CFAP61: variants seen among roughly 807,000 people sequenced by gnomAD.
CFAP61 encodes the protein cilia- and flagella-associated protein 61.
In CFAP61, 107 loss-of-function variants were observed where a neutral mutation model predicts 135.6. The ratio of observed to expected loss-of-function variants is 0.79; its 90% CI spans 0.67 to 0.93. The LOEUF (loss-of-function observed/expected upper bound fraction) is 0.93. Among genes scored for constraint, CFAP61 ranks in the 40% least tolerant of loss-of-function variants. CFAP61 has a pLI of 0.00. For synonymous variants in CFAP61, 575 were observed against 578.5 expected (o/e 0.99, Z 0.09); for missense variants, 1,507 against 1,556.2 (o/e 0.97, Z 0.53).
chr20:20,147,390 A>T (rs1267439568), intron 9 of CFAP61, among the ~76,000 whole-genome samples: 1 of 152,226 alleles, frequency 6.6e-6, no homozygotes, highest in Non-Finnish European at 1.5e-5. Context: ...CCTTTTCACC[A>T]CATCCACACC....
At chr20:20,121,430 A>T (rs569314512) in intron 8 of CFAP61, among the ~76,000 whole-genome samples, 1 of 151,764 alleles carries the variant, frequency 6.6e-6, no homozygotes, top group Non-Finnish European at 1.5e-5. Context: ...TTAATTAGAG[A>T]ATTGACTTCA....
At chr20:20,344,724 A>T (rs971794606) in intron 26 of CFAP61, among the ~76,000 whole-genome samples, 1 of 152,246 alleles carries the variant, frequency 6.6e-6, no homozygotes, top group African/African-American at 2.4e-5. Context: ...TAAAGCTGCC[A>T]TATGACCCAC....
At chr20:20,213,630 T>C (rs1439355834) in intron 17 of CFAP61, among the ~76,000 whole-genome samples, 1 of 152,120 alleles carries the variant, frequency 6.6e-6, no homozygotes, top group Non-Finnish European at 1.5e-5. Context: ...TATTATTAAA[T>C]AATTCTTTTT....
At position 20,074,312 on chromosome 20, in the gene CFAP61, C is replaced by G; in HGVS notation, c.305C>G (p.Thr102Arg). 6.2e-7 allele frequency: 1 copy of G among 1,614,076 alleles called. No individual in the cohort carries two copies. The highest frequency in any genetic ancestry group is 1.3e-5 in the African/African-American group (1 of 75,034). The part of the protein sequence containing the change: ...DSDIPCTPLN[T>R]LFMHLFVAVD... ...TCTCTTCTTCTGCAGCCCCTGAATA[C>G]GTTGTTCATGCACCTCTTTGTGGCC... The change falls in exon 4 of 27, where the codon ACG becomes AGG. Residue 102 changes from threonine (T) to arginine (R), a missense_variant. Physicochemically the swap from Thr to Arg is moderately conservative, Grantham distance 71 (BLOSUM62 -1). Coordinates refer to ENST00000245957, the MANE Select transcript of CFAP61 (RefSeq NM_015585.4).
At chr20:20,121,645 C>A (rs865844106) in intron 8 of CFAP61, among the ~76,000 whole-genome samples, 1 of 152,118 alleles carries the variant, frequency 6.6e-6, no homozygotes, top group African/African-American at 2.4e-5. Context: ...CAGGCACATG[C>A]CCCTGTGCCC....
At chr20:20,339,964 A>G (rs958427200) in intron 25 of CFAP61, among the ~76,000 whole-genome samples, 13 of 152,250 alleles carry the variant, frequency 8.5e-5, no homozygotes, top group African/African-American at 3.1e-4. Context: ...GAAGCCCACA[A>G]GATCCGAGAC....
intron 19 of CFAP61, among the ~76,000 whole-genome samples, chr20:20,250,144 G>C (rs1294775955): frequency 6.6e-6 from 1 of 152,194 alleles, no homozygotes; most frequent in Non-Finnish European, 1.5e-5. Context: ...GGTAAGACCA[G>C]GCTTATGCGC....
At chr20:20,251,849 T>C in intron 20 of CFAP61, 86 bp downstream of exon 20, 1 of 1,375,392 alleles carries the variant, frequency 7.3e-7, no homozygotes, top group East Asian at 2.3e-5. Flanking sequence ...ACACACACTC[T>C]GGGTAAAGAG....
chr20:20,330,648 A>G (rs955829389), intron 25 of CFAP61, among the ~76,000 whole-genome samples: 5 of 152,170 alleles, frequency 3.3e-5, no homozygotes, highest in Non-Finnish European at 2.9e-5. Context: ...CAGACCAGCC[A>G]CATTTTAAGT....
chr20:20,210,878 A>T (rs543044086), intron 17 of CFAP61, among the ~76,000 whole-genome samples: 10 of 152,310 alleles, frequency 6.6e-5, no homozygotes, highest in Admixed American at 6.5e-4. Flanking sequence ...GTCATCCCAC[A>T]CTTTGGGAGG....
At chr20:20,187,574 G>T (rs1601277116) in intron 13 of CFAP61, among the ~76,000 whole-genome samples, 1 of 152,180 alleles carries the variant, frequency 6.6e-6, no homozygotes, top group Non-Finnish European at 1.5e-5. Flanking sequence ...CATGAAGCCA[G>T]CCCTGGTGCA....
chr20:20,282,470 G>C (rs1423481608), intron 22 of CFAP61, among the ~76,000 whole-genome samples: 1 of 152,088 alleles, frequency 6.6e-6, no homozygotes, highest in Admixed American at 6.5e-5. Flanking sequence ...AAACTCATAT[G>C]TTAACTTTTA....
rs140954705 is a variant in CFAP61, at chr20:20,220,273, G to C, written c.1933-7976G>C. On this transcript the variant is annotated intron_variant, in intron 17 of 26. Transcript: ENST00000245957. ...GGGTGGTAAACACTGGAGGTGCTGG[G>C]AGGGTGGCATGTCTGGAAAGCACAT... The C allele has an allele frequency of 8.4e-4, 128 of 152,418 alleles. 1 individual carries two copies. The highest frequency in any genetic ancestry group is 2.9e-3 in the African/African-American group (121 of 41,572). The allele number at this position is 152,418 out of a possible 1,614,324, so 9.4% of individuals were successfully genotyped here. A position where few individuals can be genotyped will look rare whatever the true frequency, so the allele number is the denominator to read the frequency against.
chr20:20,144,367 A>T (rs1351417485), intron 9 of CFAP61, among the ~76,000 whole-genome samples: 1 of 152,036 alleles, frequency 6.6e-6, no homozygotes, highest in Non-Finnish European at 1.5e-5. Flanking sequence ...AGAGACATAA[A>T]AGATATAAAA....
chr20:20,052,554 C>G lies in CFAP61; in HGVS notation c.-74C>G. 6.2e-7 allele frequency: 1 copy of G among 1,614,168 alleles called. No homozygotes were observed. The highest frequency in any genetic ancestry group is 8.5e-7 in the Non-Finnish European group (1 of 1,180,026). ...ACCAGGCTGCGCGTCCTCCTTGCGG[C>G]AGCGCGTGGAGTGCGGCGTCCTGGA... is the stretch of plus-strand genomic sequence containing the variant. On this transcript the variant is annotated 5_prime_UTR_variant, in exon 1 of 27. Coordinates refer to ENST00000245957, the MANE Select transcript of CFAP61 (RefSeq NM_015585.4).
chr20:20,143,055 T>A, intron 9 of CFAP61, 107 bp downstream of exon 9: 2 of 665,756 alleles, frequency 3.0e-6, no homozygotes, highest in Non-Finnish European at 5.2e-6. Flanking sequence ...GAAGTTCTAA[T>A]GCCTGATGCA....
intron 25 of CFAP61, among the ~76,000 whole-genome samples, chr20:20,313,282 T>C (rs937364595): frequency 3.3e-5 from 5 of 152,228 alleles, no homozygotes; most frequent in African/African-American, 7.2e-5. Flanking sequence ...CCTAACTATG[T>C]TATCACCTTG....
rs996981432 is a variant in CFAP61 at position 20,168,231 on chromosome 20, T to TA, written c.1246-1080dup. On this transcript the variant is annotated intron_variant, in intron 12 of 26. Transcript: ENST00000245957. ...GGACATGCCACCATGCCCAGCTAAT[T>TA]AAAAAAAAAATTGTAGAAATGGGGT... 2.0e-4 allele frequency among the ~76,000 whole-genome samples: 30 copies of TA among 149,758 alleles called. No individual in the cohort carries two copies. The East Asian group carries it at 2.2e-3, about 11-fold the overall frequency.
intron 6 of CFAP61, among the ~76,000 whole-genome samples, chr20:20,089,414 C>T (rs2047024141): frequency 6.6e-6 from 1 of 151,770 alleles, no homozygotes; most frequent in South Asian, 2.1e-4. Flanking sequence ...ACTGATCACT[C>T]AGTAGATGGA....
Sources: gnomAD v4.1 joint callset for allele counts (sites outside exome capture counted in the v4.1 genomes callset) on GRCh38, gnomAD v4.1.1 for gene constraint, MANE v1.5 for transcripts, NCBI Gene and HGNC (gene_info 2026-07-23, HGNC 2026-07-21) for gene names.